Variants in TFCP2 observed in about 807,000 individuals in gnomAD.
TFCP2 encodes alpha-globin transcription factor CP2.
Under a neutral mutation model 73.4 loss-of-function variants are expected in TFCP2, and 33 were observed. That is an observed-to-expected ratio of 0.45 (90% CI 0.34 to 0.60). The LOEUF (loss-of-function observed/expected upper bound fraction) is 0.60, where lower values mean the gene tolerates loss of function less well. TFCP2 is among the 20% of genes least tolerant of loss of function. The pLI is 0.01. For synonymous variants in TFCP2, 193 were observed against 211.6 expected (o/e 0.91, Z 0.76); for missense variants, 352 against 604.0 (o/e 0.58, Z 4.37).
At chr12:51,158,393 G>A (rs1233988249) in intron 1 of TFCP2, among the ~76,000 whole-genome samples, 7 of 152,092 alleles carry the variant, frequency 4.6e-5, no homozygotes, top group Non-Finnish European at 1.0e-4. Context: ...TGACTTTACT[G>A]AGGCTTCCAC....
In TFCP2 at chr12:51,161,908, C is replaced by CAA. The variant is rs542310982; in HGVS notation, c.122+10391_122+10392dup. 2.5e-3 allele frequency among the ~76,000 whole-genome samples: 381 copies of CAA among 149,694 alleles called. 4 individuals carry two copies. Among genetic ancestry groups the CAA allele is most frequent in the African/African-American group, 8.8e-3 (359 of 41,012 alleles). On this transcript the variant is annotated intron_variant, in intron 1 of 14. Transcript: ENST00000257915. ...CGAAAAACAAAAACAAACAAACAAA[C>CAA]AAAAAAACTAAAGGAAATCAGGAGA...
chr12:51,130,911 C>T (rs996671430), intron 1 of TFCP2, among the ~76,000 whole-genome samples: 2 of 151,884 alleles, frequency 1.3e-5, no homozygotes, highest in Non-Finnish European at 2.9e-5. Flanking sequence ...CATTTGAACC[C>T]CGGGAGGCAG....
At chr12:51,161,583 G>A (rs1328628190) in intron 1 of TFCP2, among the ~76,000 whole-genome samples, 1 of 151,530 alleles carries the variant, frequency 6.6e-6, no homozygotes, top group African/African-American at 2.4e-5. Flanking sequence ...AGGAGGCTGA[G>A]ACAGGAGAAT....
chr12:51,164,732 A>T (rs1203345370), intron 1 of TFCP2, among the ~76,000 whole-genome samples: 1 of 152,200 alleles, frequency 6.6e-6, no homozygotes, highest in African/African-American at 2.4e-5. Context: ...AAATGAAAGG[A>T]TTATAAGAGA....
intron 1 of TFCP2, among the ~76,000 whole-genome samples, chr12:51,145,897 AGCTGTGATT>A (rs1280181959): frequency 6.6e-6 from 1 of 151,566 alleles, no homozygotes; most frequent in Non-Finnish European, 1.5e-5. Context: ...GGCTGCAGTG[AGCTGTGATT>A]GCCACTGCAC....
intron 1 of TFCP2, among the ~76,000 whole-genome samples, chr12:51,163,296 T>C (rs1248304119): frequency 6.6e-6 from 1 of 151,764 alleles, no homozygotes; most frequent in East Asian, 2.0e-4. Context: ...TCTTAAAAAA[T>C]AATAGTAATA....
chr12:51,098,667 A>C, intron 13 of TFCP2, 109 bp downstream of exon 13: 1 of 1,300,852 alleles, frequency 7.7e-7, no homozygotes. Context: ...AAAAGTATGA[A>C]ACCCTCTGAT....
chr12:51,148,008 C>T (rs1008823407), intron 1 of TFCP2, among the ~76,000 whole-genome samples: 2 of 152,064 alleles, frequency 1.3e-5, no homozygotes, highest in African/African-American at 4.8e-5. Context: ...CAAAAGAAGA[C>T]ATACAAATAG....
intron 1 of TFCP2, among the ~76,000 whole-genome samples, chr12:51,135,940 A>G (rs1345699383): frequency 3.3e-5 from 5 of 152,076 alleles, no homozygotes; most frequent in African/African-American, 7.2e-5. Context: ...TGAATTCATC[A>G]AATAGTCTTT....
chr12:51,096,507 T>A (rs1939968623), intron 13 of TFCP2, among the ~76,000 whole-genome samples: 1 of 152,126 alleles, frequency 6.6e-6, no homozygotes, highest in African/African-American at 2.4e-5. Context: ...AGGTGGCCCA[T>A]GATGTGAAAG....
intron 1 of TFCP2, among the ~76,000 whole-genome samples, chr12:51,168,507 C>G (rs1368764378): frequency 6.6e-6 from 1 of 152,046 alleles, no homozygotes; most frequent in South Asian, 2.1e-4. Flanking sequence ...TTTTTTGAGA[C>G]AGGGTCTCAC....
chr12:51,138,996 G>A (rs1184927030), intron 1 of TFCP2, among the ~76,000 whole-genome samples: 1 of 152,182 alleles, frequency 6.6e-6, no homozygotes, highest in Non-Finnish European at 1.5e-5. Flanking sequence ...AAATTCCCTA[G>A]AGATGTAACC....
chr12:51,138,159 T>A (rs1175337421), intron 1 of TFCP2, among the ~76,000 whole-genome samples: 2 of 152,208 alleles, frequency 1.3e-5, no homozygotes, highest in Non-Finnish European at 2.9e-5. Context: ...GTTTGTTTTT[T>A]GAGATGGAGT....
chr12:51,107,233 T>A lies in TFCP2; in HGVS notation c.828+3A>T. The A allele has an allele frequency of 6.3e-7, 1 of 1,582,668 alleles. No individual in the cohort carries two copies. The highest frequency in any genetic ancestry group is 8.6e-7 in the Non-Finnish European group (1 of 1,169,016). On this transcript the variant is annotated splice_donor_region_variant and intron_variant, in intron 7 of 14. Coordinates refer to ENST00000257915, the MANE Select transcript of TFCP2 (RefSeq NM_005653.5). The stretch of plus-strand genomic sequence containing the variant: ...AAATTGTCACCAAAAGAAATCTTTT[T>A]ACCTCTGTGAGTATGGTTGTCTCAT...
At chr12:51,165,439 T>C (rs1255324956) in intron 1 of TFCP2, among the ~76,000 whole-genome samples, 1 of 149,502 alleles carries the variant, frequency 6.7e-6, no homozygotes, top group African/African-American at 2.5e-5. Context: ...AATACCCTTT[T>C]AAGATTAAAA....
chr12:51,110,876 C>T lies in TFCP2; in HGVS notation c.564+1G>A. 6.2e-7 allele frequency: 1 copy of T among 1,607,842 alleles called. No individual in the cohort carries two copies. The highest frequency in any genetic ancestry group is 8.5e-7 in the Non-Finnish European group (1 of 1,174,408). On this transcript the variant is annotated splice_donor_variant, in intron 5 of 14. Transcript: ENST00000257915. LOFTEE classifies it high-confidence loss of function. Reference sequence around the variant, plus strand: ...CTGGAACCCTATCTGCAACGCCTTACCTGAATAAACACAGATGTCCTCTTT... The same window carrying T: ...CTGGAACCCTATCTGCAACGCCTTATCTGAATAAACACAGATGTCCTCTTT...
At chr12:51,122,243 T>TTTTTC (rs1262901322) in intron 1 of TFCP2, among the ~76,000 whole-genome samples, 1 of 148,736 alleles carries the variant, frequency 6.7e-6, no homozygotes, top group African/African-American at 2.5e-5. Context: ...AGTTTTATTT[T>TTTTTC]TTTTCTTTTC....
At chr12:51,155,224 A>G (rs1310489156) in intron 1 of TFCP2, among the ~76,000 whole-genome samples, 2 of 152,132 alleles carry the variant, frequency 1.3e-5, no homozygotes, top group East Asian at 1.9e-4. Context: ...GAGTTATGCC[A>G]TTGGTTTCCC....
At chr12:51,096,097 C>T in intron 13 of TFCP2, 57 bp from the exon 14 acceptor site, 4 of 1,450,396 alleles carry the variant, frequency 2.8e-6, no homozygotes, top group Non-Finnish European at 2.9e-6. Context: ...CCTTTATATT[C>T]CTGTGTCCCT....
Sources: allele counts gnomAD v4.1 joint callset (sites outside exome capture counted in the v4.1 genomes callset), GRCh38; gene constraint gnomAD v4.1.1; transcripts MANE v1.5; gene names NCBI Gene and HGNC (gene_info 2026-07-23, HGNC 2026-07-21).